Variants in SLC44A3 observed in about 807,000 individuals in gnomAD.
The protein encoded by SLC44A3 is solute carrier family 44 member 3.
In SLC44A3, 74 loss-of-function variants were observed where a neutral mutation model predicts 75.4. The ratio of observed to expected loss-of-function variants is 0.98; its 90% CI spans 0.81 to 1.19. The LOEUF (loss-of-function observed/expected upper bound fraction) is 1.19. Ranked by LOEUF, SLC44A3 falls within the 50% of genes most tolerant of loss-of-function variation. The pLI is 0.00. For synonymous variants in SLC44A3, 310 were observed against 296.9 expected (o/e 1.04, Z -0.45); for missense variants, 700 against 778.6 (o/e 0.90, Z 1.20).
intron 10 of SLC44A3, among the ~76,000 whole-genome samples, chr1:94,860,991 C>T (rs925639831): frequency 1.8e-4 from 28 of 152,110 alleles, no homozygotes; most frequent in African/African-American, 6.0e-4. Flanking sequence ...CAGGTGTGTT[C>T]GAACACGTTA....
intron 5 of SLC44A3, among the ~76,000 whole-genome samples, chr1:94,829,981 C>G (rs1661904273): frequency 6.6e-6 from 1 of 152,164 alleles, no homozygotes; most frequent in African/African-American, 2.4e-5. Context: ...ACTCTGTTGC[C>G]TTTTTAAAAA....
intron 12 of SLC44A3, 49 bp downstream of exon 12, chr1:94,867,466 G>A: frequency 2.7e-6 from 4 of 1,473,192 alleles, no homozygotes; most frequent in South Asian, 1.3e-5. Flanking sequence ...GTCCAAAGGT[G>A]GGCTTCATCT....
At chr1:94,874,654 C>T (rs1489307102) in intron 12 of SLC44A3, among the ~76,000 whole-genome samples, 1 of 152,166 alleles carries the variant, frequency 6.6e-6, no homozygotes, top group Non-Finnish European at 1.5e-5. Flanking sequence ...GTGCGGCTCC[C>T]GAAGACAAGA....
Position 94,882,605 on chromosome 1 carries a change from G to A in SLC44A3, c.1483-8525G>A, listed in dbSNP as rs545524249. 5.9e-5 allele frequency among the ~76,000 whole-genome samples: 9 copies of A among 152,218 alleles called. 1 individual carries two copies. The South Asian group carries it at 1.9e-3, about 32-fold the overall frequency. ...GCTTGGGGGATGAAGGTGACACTTC[G>A]ACACGGTCCTCTAACTTGGACCTGC... is the stretch of plus-strand genomic sequence containing the variant. On this transcript the variant is annotated intron_variant, in intron 12 of 14. Transcript: ENST00000271227.
Position 94,892,331 on chromosome 1 carries a change from C to T in SLC44A3, c.1671C>T (p.Tyr557=), listed in dbSNP as rs1465380644. ...TTGGAGGACTCATGGCTTTTAACTA[C>T]AATCGGGCATTCCAGGTGTGGGCAG... ...TVFGGLMAFN[Y]NRAFQVWAVP... Residue 557 remains tyrosine (Y), a synonymous_variant, in exon 14 of 15, where the codon TAC becomes TAT. Transcript: ENST00000271227. 6.2e-7 allele frequency: 1 copy of T among 1,614,108 alleles called. No individual in the cohort carries two copies. The highest frequency in any genetic ancestry group is 1.7e-5 in the Admixed American group (1 of 60,012).
chr1:94,858,705 T>TTGTG, intron 10 of SLC44A3, among the ~76,000 whole-genome samples: 1 of 149,484 alleles, frequency 6.7e-6, no homozygotes, highest in Non-Finnish European at 1.5e-5. Context: ...GTTTGTTTGT[T>TTGTG]TATTGAGACG....
At chr1:94,865,017 GA>G in intron 11 of SLC44A3, 118 bp downstream of exon 11, 2 of 1,048,452 alleles carry the variant, frequency 1.9e-6, no homozygotes, top group Non-Finnish European at 1.4e-6. Context: ...GGGCCGTGCA[GA>G]AAGCTCCTGC....
At chr1:94,833,237 T>C (rs1192248658) in intron 5 of SLC44A3, among the ~76,000 whole-genome samples, 2 of 152,234 alleles carry the variant, frequency 1.3e-5, no homozygotes, top group Admixed American at 6.5e-5. Flanking sequence ...TGTCTGATAC[T>C]AGCACCAGCA....
Position 94,837,687 on chromosome 1 carries a change from C to CCATCTTTTTTTCTCTATTTTTAG in SLC44A3, c.510-21_511dup. The CCATCTTTTTTTCTCTATTTTTAG allele has an allele frequency of 2.0e-6, 3 of 1,528,990 alleles. No individual in the cohort carries two copies. The South Asian group carries it at 3.8e-5, about 19-fold the overall frequency. 94.7% of individuals were successfully genotyped at this position (1,528,990 alleles called of 1,614,324 possible). A position where few individuals can be genotyped will look rare whatever the true frequency, so the allele number is the denominator to read the frequency against. ...GATAAATGTTAAATAAACATTTTTG[C>CCATCTTTTTTTCTCTATTTTTAG]CATCTTTTTTTCTCTATTTTTAGCA... On this transcript the variant is annotated intron_variant, in intron 5 of 14. Transcript: ENST00000271227.
rs188583855 is a variant in SLC44A3, at chr1:94,838,172, T to C, written c.670+301T>C. Among the ~76,000 whole-genome samples, 22 of 152,246 alleles carry C rather than the reference T, an allele frequency of 1.4e-4. 1 individual carries two copies. In the East Asian group the frequency reaches 3.7e-3, roughly 25 times the overall value. On this transcript the variant is annotated intron_variant, in intron 6 of 14. Coordinates refer to ENST00000271227, the MANE Select transcript of SLC44A3 (RefSeq NM_001114106.3). ...AGATTGCCAATTTGTGGATGGGACA[T>C]GAAAAATACAACTGTCAGGGTGACC...
At chr1:94,845,803 C>T (rs910877953) in intron 9 of SLC44A3, among the ~76,000 whole-genome samples, 2 of 152,072 alleles carry the variant, frequency 1.3e-5, no homozygotes, top group Admixed American at 6.5e-5. Context: ...ATTTGCCAAC[C>T]CCTATCAAAT....
intron 8 of SLC44A3, among the ~76,000 whole-genome samples, chr1:94,844,102 A>G (rs1278256383): frequency 1.3e-5 from 2 of 152,226 alleles, no homozygotes; most frequent in African/African-American, 4.8e-5. Context: ...GCCTAATCTA[A>G]TGGGAAATTC....
At chr1:94,887,383 A>G (rs1440065238) in intron 12 of SLC44A3, among the ~76,000 whole-genome samples, 1 of 151,960 alleles carries the variant, frequency 6.6e-6, no homozygotes. Context: ...TGTTGCACTC[A>G]GGGTTGAATC....
At chr1:94,886,165 A>G (rs1331579021) in intron 12 of SLC44A3, among the ~76,000 whole-genome samples, 1 of 152,154 alleles carries the variant, frequency 6.6e-6, no homozygotes, top group Admixed American at 6.5e-5. Context: ...ACTCCAGCAG[A>G]GCCCCGTAGG....
chr1:94,849,140 C>T (rs912051520), intron 9 of SLC44A3, among the ~76,000 whole-genome samples: 1 of 152,238 alleles, frequency 6.6e-6, no homozygotes. Flanking sequence ...GGAGGTTATT[C>T]TTCAGGGCTG....
At chr1:94,851,811 T>C (rs1665248357) in intron 9 of SLC44A3, among the ~76,000 whole-genome samples, 1 of 152,224 alleles carries the variant, frequency 6.6e-6, no homozygotes, top group Non-Finnish European at 1.5e-5. Flanking sequence ...GTGCACAGAA[T>C]GTGCTGGAAA....
At chr1:94,828,701 G>A in intron 5 of SLC44A3, 115 bp downstream of exon 5, 1 of 867,416 alleles carries the variant, frequency 1.2e-6, no homozygotes, top group South Asian at 1.7e-5. Flanking sequence ...GCCCCTGCCT[G>A]CAGGGAGCTT....
chr1:94,825,874 A>G (rs749823625), intron 3 of SLC44A3: 7 of 456,270 alleles, frequency 1.5e-5, no homozygotes, highest in South Asian at 9.3e-5. Flanking sequence ...GGCGACTTAG[A>G]TGCCCATGTG....
chr1:94,881,457 C>T (rs1167066188), intron 12 of SLC44A3, among the ~76,000 whole-genome samples: 3 of 152,164 alleles, frequency 2.0e-5, no homozygotes, highest in African/African-American at 4.8e-5. Context: ...GTAATCCCAG[C>T]GCTTTGGGAG....
Sources: gnomAD v4.1 joint callset for allele counts (sites outside exome capture counted in the v4.1 genomes callset) on GRCh38, gnomAD v4.1.1 for gene constraint, MANE v1.5 for transcripts, NCBI Gene and HGNC (gene_info 2026-07-23, HGNC 2026-07-21) for gene names.